The following GPC5 variants were observed in gnomAD, a reference collection of about 807,000 sequenced individuals.
GPC5 encodes the protein glypican-5.
In GPC5, 47 loss-of-function variants were observed where a neutral mutation model predicts 53.9. That is an observed-to-expected ratio of 0.87 (90% confidence interval 0.69 to 1.11). The LOEUF (loss-of-function observed/expected upper bound fraction) is 1.11. GPC5 is among the 50% of genes most tolerant of loss of function. The pLI, the probability that GPC5 is intolerant of heterozygous loss-of-function variation, is 0.00. For missense variants in GPC5, 748 were observed against 713.1 expected (o/e 1.05, Z -0.56); for synonymous variants, 286 against 263.3 (o/e 1.09, Z -0.84).
intron 7 of GPC5, among the ~76,000 whole-genome samples, chr13:92,738,121 T>C (rs1181589879): frequency 1.3e-5 from 2 of 152,028 alleles, no homozygotes; most frequent in Non-Finnish European, 2.9e-5. Flanking sequence ...GTGTCACCTC[T>C]AAAATGTATT....
Position 91,946,425 on chromosome 13 carries a change from C to CTGT in GPC5, c.1401+38370_1401+38372dup, listed in dbSNP as rs543000281. 1.1e-4 allele frequency among the ~76,000 whole-genome samples: 16 copies of CTGT among 152,200 alleles called. No individual in the cohort carries two copies. In the East Asian group the frequency reaches 2.9e-3, roughly 28 times the overall value. On this transcript the variant is annotated intron_variant, in intron 6 of 7. Transcript: ENST00000377067. ...CTTTTCAGAAAATTTAGTTTGCTATCTGTTTTAGGTTTTACTCTCTAACAT... is the reference window on the plus strand; with the variant it reads ...CTTTTCAGAAAATTTAGTTTGCTATCTGTTGTTTTAGGTTTTACTCTCTAACAT...
intron 2 of GPC5, among the ~76,000 whole-genome samples, chr13:91,618,853 T>C (rs1309811166): frequency 6.6e-6 from 1 of 152,034 alleles, no homozygotes; most frequent in Non-Finnish European, 1.5e-5. Flanking sequence ...GTTTTTGTAT[T>C]AAATGAAATA....
chr13:92,222,641 G>GGT (rs919831947), intron 7 of GPC5, among the ~76,000 whole-genome samples: 6 of 151,814 alleles, frequency 4.0e-5, no homozygotes, highest in Admixed American at 6.6e-5. Context: ...TTTTCTTTGG[G>GGT]GTGTGTGTGT....
intron 7 of GPC5, among the ~76,000 whole-genome samples, chr13:92,409,524 C>G (rs186505077): frequency 1.8e-4 from 27 of 151,870 alleles, no homozygotes; most frequent in Non-Finnish European, 3.7e-4. Context: ...TATAATTGAC[C>G]ATCATCAAAA....
chr13:92,049,959 G>A (rs564785186), intron 6 of GPC5, among the ~76,000 whole-genome samples: 1 of 152,190 alleles, frequency 6.6e-6, no homozygotes, highest in East Asian at 1.9e-4. Context: ...GCTCTAAGTG[G>A]AAAGGAGAAA....
At chr13:92,591,126 G>GA (rs533603242) in intron 7 of GPC5, among the ~76,000 whole-genome samples, 3 of 152,042 alleles carry the variant, frequency 2.0e-5, no homozygotes, top group Non-Finnish European at 2.9e-5. Context: ...TGCTGATTGG[G>GA]AAAAAAATAA....
chr13:92,710,067 C>T (rs759296464), intron 7 of GPC5, among the ~76,000 whole-genome samples: 9 of 152,144 alleles, frequency 5.9e-5, no homozygotes, highest in African/African-American at 1.2e-4. Flanking sequence ...GAAAAAGACA[C>T]CAGAGAAATA....
intron 1 of GPC5, among the ~76,000 whole-genome samples, chr13:91,436,684 C>G (rs557966164): frequency 4.4e-4 from 67 of 152,260 alleles, no homozygotes; most frequent in African/African-American, 1.5e-3. Context: ...GTGGAGAGTT[C>G]TGTAGATGTC....
At chr13:91,487,513 GA>G (rs1241751806) in intron 2 of GPC5, among the ~76,000 whole-genome samples, 2 of 152,172 alleles carry the variant, frequency 1.3e-5, no homozygotes, top group African/African-American at 4.8e-5. Context: ...TCTTCAGATA[GA>G]AAAGGGAATA....
intron 6 of GPC5, among the ~76,000 whole-genome samples, chr13:91,937,270 A>T (rs1197889944): frequency 3.3e-5 from 5 of 152,042 alleles, no homozygotes; most frequent in Admixed American, 2.6e-4. Flanking sequence ...CTTAACTTTG[A>T]TGAACATAAA....
chr13:91,490,534 G>T (rs531882253), intron 2 of GPC5, among the ~76,000 whole-genome samples: 1 of 151,948 alleles, frequency 6.6e-6, no homozygotes, highest in Non-Finnish European at 1.5e-5. Flanking sequence ...TAATTATTTA[G>T]CTTGGGTGAG....
chr13:91,690,991 C>T (rs913528288), intron 2 of GPC5, among the ~76,000 whole-genome samples: 8 of 152,150 alleles, frequency 5.3e-5, no homozygotes, highest in East Asian at 1.9e-4. Context: ...TGACCCACTT[C>T]GCGGTTCTTA....
intron 2 of GPC5, among the ~76,000 whole-genome samples, chr13:91,506,800 T>A (rs1884968851): frequency 6.6e-6 from 1 of 152,174 alleles, no homozygotes; most frequent in South Asian, 2.1e-4. Context: ...GATTTATAAT[T>A]TAAATCATAA....
intron 2 of GPC5, among the ~76,000 whole-genome samples, chr13:91,597,235 T>C (rs888254599): frequency 6.6e-6 from 1 of 152,228 alleles, no homozygotes; most frequent in Non-Finnish European, 1.5e-5. Context: ...ATGCTAGATC[T>C]AGTGTCTGTT....
intron 2 of GPC5, among the ~76,000 whole-genome samples, chr13:91,685,985 T>C (rs1248817466): frequency 1.3e-5 from 2 of 151,676 alleles, no homozygotes; most frequent in Non-Finnish European, 1.5e-5. Context: ...AGGATATTGG[T>C]TTACTTGTTC....
intron 6 of GPC5, among the ~76,000 whole-genome samples, chr13:92,011,451 T>C (rs1641721011): frequency 1.3e-5 from 2 of 152,216 alleles, no homozygotes; most frequent in African/African-American, 4.8e-5. Context: ...TACTCTGTCA[T>C]GTTTCCCAAG....
At chr13:92,750,537 G>A (rs1401910185) in intron 7 of GPC5, among the ~76,000 whole-genome samples, 1 of 152,124 alleles carries the variant, frequency 6.6e-6, no homozygotes, top group African/African-American at 2.4e-5. Context: ...AATAGATTAT[G>A]TGCAGCTATC....
At chr13:92,114,942 G>A (rs2041588671) in intron 6 of GPC5, among the ~76,000 whole-genome samples, 3 of 152,126 alleles carry the variant, frequency 2.0e-5, no homozygotes, top group Admixed American at 2.0e-4. Flanking sequence ...GAGAGAAGAG[G>A]TCACATGGCT....
At chr13:91,775,178 ACAT>A (rs1338421708) in intron 5 of GPC5, among the ~76,000 whole-genome samples, 4 of 152,306 alleles carry the variant, frequency 2.6e-5, no homozygotes, top group African/African-American at 7.2e-5. Flanking sequence ...AGGTTTAAAA[ACAT>A]CATAAGCGAA....
Sources: gnomAD v4.1 joint callset for allele counts (sites outside exome capture counted in the v4.1 genomes callset) on GRCh38, gnomAD v4.1.1 for gene constraint, MANE v1.5 for transcripts, NCBI Gene and HGNC (gene_info 2026-07-23, HGNC 2026-07-21) for gene names.